The following C8orf34 variants were observed in gnomAD, a reference collection of about 807,000 sequenced individuals.
C8orf34 encodes the protein chromosome 8 open reading frame 34.
Under a neutral mutation model 68.3 loss-of-function variants are expected in C8orf34, and 65 were observed. That is an observed-to-expected ratio of 0.95 (90% CI 0.78 to 1.17). The LOEUF is 1.17. C8orf34 is among the 50% of genes most tolerant of loss of function. The probability of loss-of-function intolerance (pLI) is 0.00; values close to 1 mark genes in which losing one functional copy is unlikely to be tolerated. For synonymous variants in C8orf34, 244 were observed against 241.2 expected (o/e 1.01, Z -0.11); for missense variants, 664 against 655.4 (o/e 1.01, Z -0.14).
chr8:68,580,913 C>A (rs115544160), intron 7 of C8orf34, among the ~76,000 whole-genome samples: 2,590 of 152,078 alleles, frequency 0.017, 80 homozygotes, highest in African/African-American at 0.057. Context: ...TGCCTGGAAC[C>A]CATCATGGTA....
At chr8:68,548,882 C>G (rs966108380) in intron 7 of C8orf34, among the ~76,000 whole-genome samples, 19 of 151,670 alleles carry the variant, frequency 1.3e-4, no homozygotes, top group Non-Finnish European at 2.7e-4. Context: ...ATGGATGAAT[C>G]CTATTGCTAT....
At chr8:68,692,231 A>C (rs1820705896) in intron 8 of C8orf34, among the ~76,000 whole-genome samples, 1 of 152,066 alleles carries the variant, frequency 6.6e-6, no homozygotes, top group Non-Finnish European at 1.5e-5. Flanking sequence ...TTTCTTGGAC[A>C]CGTATACCGT....
In C8orf34 at chr8:68,705,935, G is replaced by A. The variant is rs139210980; in HGVS notation, c.1242-3059G>A. 3.5e-3 allele frequency among the ~76,000 whole-genome samples: 529 copies of A among 152,282 alleles called. 3 individuals are homozygous for A. The highest frequency in any genetic ancestry group is 0.012 in the African/African-American group (499 of 41,556). ...CAGGGCCTCTTGCGCTCTGCGCGTT[G>A]GAAAGGTAGTGAATACAGATTAGGG... is the stretch of plus-strand genomic sequence containing the variant. On this transcript the variant is annotated intron_variant, in intron 8 of 13. Transcript: ENST00000518698.
chr8:68,545,666 G>T (rs1815851288), intron 7 of C8orf34, among the ~76,000 whole-genome samples: 1 of 152,024 alleles, frequency 6.6e-6, no homozygotes, highest in African/African-American at 2.4e-5. Context: ...GCAAAATAAA[G>T]ATAGTTAAGC....
chr8:68,566,721 C>G (rs1816601306), intron 7 of C8orf34, among the ~76,000 whole-genome samples: 1 of 152,164 alleles, frequency 6.6e-6, no homozygotes, highest in Non-Finnish European at 1.5e-5. Flanking sequence ...CCAGGCCATT[C>G]AAATTTTCTT....
At chr8:68,424,435 C>G (rs946878844) in intron 1 of C8orf34, among the ~76,000 whole-genome samples, 3 of 151,870 alleles carry the variant, frequency 2.0e-5, no homozygotes, top group African/African-American at 4.8e-5. Context: ...ACTTATCATA[C>G]CAAGAAATAG....
chr8:68,691,065 T>A (rs1820671999), intron 8 of C8orf34, among the ~76,000 whole-genome samples: 1 of 152,112 alleles, frequency 6.6e-6, no homozygotes, highest in Admixed American at 6.6e-5. Flanking sequence ...TTTTAAGTAC[T>A]TTTAGCTCAA....
chr8:68,345,344 A>C (rs192466274), intron 1 of C8orf34, among the ~76,000 whole-genome samples: 3 of 152,092 alleles, frequency 2.0e-5, no homozygotes, highest in African/African-American at 7.2e-5. Flanking sequence ...AATATTTATT[A>C]TATATAAGTA....
intron 4 of C8orf34, among the ~76,000 whole-genome samples, chr8:68,478,932 A>T (rs193159716): frequency 6.6e-6 from 1 of 152,226 alleles, no homozygotes; most frequent in African/African-American, 2.4e-5. Flanking sequence ...AAACCATATC[A>T]TATGCATACA....
intron 7 of C8orf34, among the ~76,000 whole-genome samples, chr8:68,563,504 G>T (rs1054748103): frequency 2.0e-5 from 3 of 152,096 alleles, no homozygotes; most frequent in Non-Finnish European, 4.4e-5. Context: ...CTTTTAAAGG[G>T]TTTTTAAAAG....
At chr8:68,694,928 T>G (rs544621029) in intron 8 of C8orf34, among the ~76,000 whole-genome samples, 1 of 152,018 alleles carries the variant, frequency 6.6e-6, no homozygotes, top group Non-Finnish European at 1.5e-5. Context: ...CAAATTTCAG[T>G]ATGATGTCCA....
At chr8:68,565,223 C>A (rs1816550370) in intron 7 of C8orf34, among the ~76,000 whole-genome samples, 1 of 152,168 alleles carries the variant, frequency 6.6e-6, no homozygotes, top group Admixed American at 6.5e-5. Flanking sequence ...TTGTCTCTAG[C>A]ACTGTAGTCG....
At chr8:68,355,337 G>A (rs1806703283) in intron 1 of C8orf34, among the ~76,000 whole-genome samples, 1 of 152,128 alleles carries the variant, frequency 6.6e-6, no homozygotes, top group African/African-American at 2.4e-5. Flanking sequence ...GAATGACTCA[G>A]GTTTGGCAAT....
intron 4 of C8orf34, among the ~76,000 whole-genome samples, chr8:68,479,395 C>G (rs1812759532): frequency 8.3e-6 from 1 of 120,494 alleles, no homozygotes; most frequent in Admixed American, 9.2e-5. Context: ...CAGAGAGACA[C>G]AGAGAAACAG....
intron 4 of C8orf34, among the ~76,000 whole-genome samples, chr8:68,471,957 C>T (rs944650155): frequency 7.8e-6 from 1 of 128,634 alleles, no homozygotes. Context: ...CACACACACA[C>T]ACACACAACT....
intron 12 of C8orf34, among the ~76,000 whole-genome samples, chr8:68,811,470 T>C (rs1183979086): frequency 6.6e-6 from 1 of 152,164 alleles, no homozygotes; most frequent in Non-Finnish European, 1.5e-5. Context: ...GCAGGCAGCT[T>C]CCACCTTTTC....
intron 10 of C8orf34, among the ~76,000 whole-genome samples, chr8:68,726,609 C>A (rs1427360992): frequency 6.6e-6 from 1 of 152,092 alleles, no homozygotes; most frequent in African/African-American, 2.4e-5. Context: ...CATTTTCATG[C>A]TGCTGATAAA....
chr8:68,679,144 A>G (rs549272673), intron 8 of C8orf34, among the ~76,000 whole-genome samples: 27 of 152,004 alleles, frequency 1.8e-4, no homozygotes, highest in Middle Eastern at 3.4e-3. Flanking sequence ...AAAATTAGCC[A>G]GGCATGGTGG....
At chr8:68,435,239 AAAT>A (rs1162229092) in intron 1 of C8orf34, among the ~76,000 whole-genome samples, 19 of 151,112 alleles carry the variant, frequency 1.3e-4, no homozygotes, top group Non-Finnish European at 2.2e-4. Context: ...ACAATAGTAA[AAAT>A]AAAAATATTG....
Sources: allele counts gnomAD v4.1 joint callset (sites outside exome capture counted in the v4.1 genomes callset), GRCh38; gene constraint gnomAD v4.1.1; transcripts MANE v1.5; gene names NCBI Gene and HGNC (gene_info 2026-07-23, HGNC 2026-07-21).